The following KCNIP4 variants were observed in gnomAD, a reference collection of about 807,000 sequenced individuals.
KCNIP4 encodes the protein potassium voltage-gated channel interacting protein 4, also known as Kv channel-interacting protein 4.
Under a neutral mutation model 34.0 loss-of-function variants are expected in KCNIP4, and 12 were observed. That is an observed-to-expected ratio of 0.35 (90% confidence interval 0.23 to 0.57). The LOEUF (loss-of-function observed/expected upper bound fraction) is 0.57. Ranked by LOEUF, KCNIP4 falls within the 20% of genes least tolerant of loss-of-function variation. The probability of loss-of-function intolerance (pLI) is 0.83; values close to 1 mark genes in which losing one functional copy is unlikely to be tolerated. For synonymous variants in KCNIP4, 124 were observed against 102.2 expected, an observed-to-expected ratio of 1.21 and a Z score of -1.29; for missense variants, 238 against 311.7, an observed-to-expected ratio of 0.76 and a Z score of 1.78.
At chr4:21,168,015 A>G (rs1469484476) in intron 1 of KCNIP4, among the ~76,000 whole-genome samples, 1 of 152,206 alleles carries the variant, frequency 6.6e-6, no homozygotes, top group Non-Finnish European at 1.5e-5. Flanking sequence ...ATCCATTATC[A>G]TTACAAAGAT....
chr4:20,918,213 T>C (rs1205810833), intron 1 of KCNIP4, among the ~76,000 whole-genome samples: 1 of 152,060 alleles, frequency 6.6e-6, no homozygotes, highest in Non-Finnish European at 1.5e-5. Flanking sequence ...GAGGTGTTAA[T>C]CTTACAGAGC....
chr4:21,345,260 C>T (rs916778854), intron 1 of KCNIP4, among the ~76,000 whole-genome samples: 17 of 152,114 alleles, frequency 1.1e-4, no homozygotes, highest in Admixed American at 7.2e-4. Flanking sequence ...GAACTGGGGT[C>T]GGTCCACAAC....
intron 1 of KCNIP4, among the ~76,000 whole-genome samples, chr4:21,274,575 A>G (rs142211557): frequency 6.6e-6 from 1 of 152,312 alleles, no homozygotes; most frequent in African/African-American, 2.4e-5. Flanking sequence ...ACGGACTCCT[A>G]AAGGGCTTTA....
chr4:21,632,971 T>C (rs1365198580), intron 1 of KCNIP4, among the ~76,000 whole-genome samples: 1 of 152,130 alleles, frequency 6.6e-6, no homozygotes, highest in Non-Finnish European at 1.5e-5. Context: ...TTATGACAAG[T>C]TTTGTATCTA....
intron 1 of KCNIP4, among the ~76,000 whole-genome samples, chr4:21,683,734 G>T (rs183004404): frequency 6.6e-6 from 1 of 152,118 alleles, no homozygotes; most frequent in African/African-American, 2.4e-5. Context: ...ATAGTATACT[G>T]TCTTGCCAGT....
intron 1 of KCNIP4, among the ~76,000 whole-genome samples, chr4:21,127,411 C>T (rs151186706): frequency 1.3e-5 from 2 of 152,320 alleles, no homozygotes; most frequent in Admixed American, 6.5e-5. Flanking sequence ...CTTATTCAAC[C>T]TGTCTCTCAT....
At chr4:21,563,143 T>C (rs7678894) in intron 1 of KCNIP4, among the ~76,000 whole-genome samples, 4,102 of 152,068 alleles carry the variant, frequency 0.027, 82 homozygotes, top group Non-Finnish European at 0.041. Context: ...AATTTTGCAA[T>C]GCTAATAACT....
chr4:21,386,914 C>G (rs1261036897), intron 1 of KCNIP4, among the ~76,000 whole-genome samples: 1 of 152,136 alleles, frequency 6.6e-6, no homozygotes. Context: ...CCAGAAAGCT[C>G]TACACATACT....
intron 1 of KCNIP4, among the ~76,000 whole-genome samples, chr4:20,957,452 A>T (rs1454574748): frequency 1.3e-5 from 2 of 152,164 alleles, no homozygotes; most frequent in African/African-American, 4.8e-5. Context: ...GGTCCAAGAC[A>T]TACAGCTTGT....
intron 1 of KCNIP4, among the ~76,000 whole-genome samples, chr4:21,455,869 A>G (rs1577388698): frequency 7.9e-6 from 1 of 126,800 alleles, no homozygotes; most frequent in Admixed American, 8.1e-5. Flanking sequence ...ACTTAGATAC[A>G]ATTGTGTATG....
intron 1 of KCNIP4, among the ~76,000 whole-genome samples, chr4:20,883,582 C>T (rs768319147): frequency 6.6e-6 from 1 of 152,106 alleles, no homozygotes; most frequent in African/African-American, 2.4e-5. Flanking sequence ...TAACTAGCCT[C>T]CCCGAGATCA....
At chr4:20,969,412 A>G (rs1333514078) in intron 1 of KCNIP4, among the ~76,000 whole-genome samples, 1 of 152,192 alleles carries the variant, frequency 6.6e-6, no homozygotes, top group Non-Finnish European at 1.5e-5. Context: ...CCAACATGTC[A>G]TTAGGGCTCA....
intron 1 of KCNIP4, among the ~76,000 whole-genome samples, chr4:21,946,705 T>A (rs544749303): frequency 1.2e-4 from 18 of 152,310 alleles, no homozygotes; most frequent in Admixed American, 1.0e-3. Context: ...TAACTAAAAA[T>A]TTGTGAATAC....
intron 1 of KCNIP4, among the ~76,000 whole-genome samples, chr4:21,521,634 T>C (rs998532483): frequency 6.6e-6 from 1 of 152,188 alleles, no homozygotes; most frequent in African/African-American, 2.4e-5. Flanking sequence ...CATTGCCCAA[T>C]TGCAAGTCTC....
chr4:21,492,656 C>T (rs1732509993), intron 1 of KCNIP4, among the ~76,000 whole-genome samples: 1 of 152,142 alleles, frequency 6.6e-6, no homozygotes, highest in South Asian at 2.1e-4. Context: ...AACAGAAAAA[C>T]AATTATTTTC....
intron 4 of KCNIP4, among the ~76,000 whole-genome samples, chr4:20,753,881 A>T (rs1754059419): frequency 6.6e-6 from 1 of 150,434 alleles, no homozygotes; most frequent in South Asian, 2.1e-4. Flanking sequence ...GTTTATTGAC[A>T]GATTATTCTG....
At chr4:21,929,882 A>G (rs1729466300) in intron 1 of KCNIP4, among the ~76,000 whole-genome samples, 1 of 152,114 alleles carries the variant, frequency 6.6e-6, no homozygotes, top group African/African-American at 2.4e-5. Context: ...TGGCGTCCAC[A>G]GTACTACTCT....
chr4:21,929,603 A>T lies in KCNIP4; in HGVS notation c.61+18968T>A, dbSNP rs773241654. Reference sequence around the variant, plus strand: ...TAAACATGCCCAAACTTTTCCTGCTAAACAAAATGAACCCGCCAGTAGTTA... The same window carrying T: ...TAAACATGCCCAAACTTTTCCTGCTTAACAAAATGAACCCGCCAGTAGTTA... On this transcript the variant is annotated intron_variant, in intron 1 of 8. Transcript: ENST00000382152. Among the ~76,000 whole-genome samples, 237 of 152,246 alleles carry T rather than the reference A, an allele frequency of 1.6e-3. 1 individual carries two copies. The highest frequency in any genetic ancestry group is 5.8e-4 in the East Asian group (3 of 5,168).
intron 1 of KCNIP4, among the ~76,000 whole-genome samples, chr4:21,701,197 T>C (rs1370789265): frequency 6.6e-6 from 1 of 152,138 alleles, no homozygotes; most frequent in Non-Finnish European, 1.5e-5. Context: ...ATGTGGAATC[T>C]AGAAAAGTTG....
Sources: gnomAD v4.1 joint callset for allele counts (sites outside exome capture counted in the v4.1 genomes callset) on GRCh38, gnomAD v4.1.1 for gene constraint, MANE v1.5 for transcripts, NCBI Gene and HGNC (gene_info 2026-07-23, HGNC 2026-07-21) for gene names.